The following RAPGEFL1 variants were observed in gnomAD, a reference collection of about 807,000 sequenced individuals.
The protein encoded by RAPGEFL1 is rap guanine nucleotide exchange factor-like 1.
RAPGEFL1 carries 31 observed loss-of-function variants against 64.4 expected under a neutral mutation model. The ratio of observed to expected loss-of-function variants is 0.48; its 90% CI spans 0.36 to 0.65. The LOEUF is 0.65. RAPGEFL1 is among the 30% of genes least tolerant of loss of function. The probability of loss-of-function intolerance (pLI) is 0.00; values close to 1 mark genes in which losing one functional copy is unlikely to be tolerated. For synonymous variants in RAPGEFL1, 331 were observed against 274.1 expected (o/e 1.21, Z -2.05); for missense variants, 682 against 677.4 (o/e 1.01, Z -0.08).
intron 2 of RAPGEFL1, among the ~76,000 whole-genome samples, chr17:40,182,436 C>T (rs1025983703): frequency 2.4e-4 from 37 of 152,168 alleles, no homozygotes; most frequent in African/African-American, 8.9e-4. Context: ...CTCAGCCTCC[C>T]CCATAGCTGG....
At chr17:40,182,103 CAT>C (rs1989913031) in intron 2 of RAPGEFL1, among the ~76,000 whole-genome samples, 1 of 151,772 alleles carries the variant, frequency 6.6e-6, no homozygotes, top group Non-Finnish European at 1.5e-5. Flanking sequence ...GAAAAGAAAA[CAT>C]ACCTGGGTTT....
rs1213800748 is a variant in RAPGEFL1 at position 40,177,834 on chromosome 17, G to C, written c.-28G>C. On this transcript the variant is annotated 5_prime_UTR_variant, in exon 1 of 15. Coordinates refer to ENST00000620260, the MANE Select transcript of RAPGEFL1 (RefSeq NM_016339.6). ...GCCTGGGATACCTGGGTCCCCCGGC[G>C]ACCCCTAGGAGAGGGGCGGGGGGGG... 2.4e-6 allele frequency: 1 copy of C among 411,112 alleles called. No individual in the cohort carries two copies. The highest frequency in any genetic ancestry group is 4.4e-5 in the Admixed American group (1 of 22,676). The allele number at this position is 411,112 out of a possible 1,614,324, so 25.5% of individuals were successfully genotyped here. A position where few individuals can be genotyped will look rare whatever the true frequency, so the allele number is the denominator to read the frequency against.
intron 11 of RAPGEFL1, among the ~76,000 whole-genome samples, 156 bp downstream of exon 11, chr17:40,192,419 G>C (rs1955240431): frequency 6.6e-6 from 1 of 151,986 alleles, no homozygotes; most frequent in South Asian, 2.1e-4. Flanking sequence ...TGGAAGGATT[G>C]CGCCCCTGTT....
intron 2 of RAPGEFL1, among the ~76,000 whole-genome samples, chr17:40,183,139 C>T (rs1989944132): frequency 6.6e-6 from 1 of 151,212 alleles, no homozygotes; most frequent in Admixed American, 6.6e-5. Context: ...CAGAGTGAGA[C>T]TCCCTCTCAA....
chr17:40,186,035 G>A (rs1256465903), intron 4 of RAPGEFL1, among the ~76,000 whole-genome samples: 2 of 151,016 alleles, frequency 1.3e-5, no homozygotes, highest in African/African-American at 4.9e-5. Context: ...GCTGAGGCAG[G>A]CAGATCATGA....
At chr17:40,181,196 G>A (rs1598438213) in intron 1 of RAPGEFL1, 1 of 403,940 alleles carries the variant, frequency 2.5e-6, no homozygotes, top group Admixed American at 2.6e-5. Flanking sequence ...AGGGGAAGAG[G>A]GATACACACA....
intron 1 of RAPGEFL1, 130 bp from the exon 2 acceptor site, chr17:40,181,486 G>A (rs866343421): frequency 3.0e-5 from 20 of 670,936 alleles, no homozygotes; most frequent in Middle Eastern, 2.5e-4. Context: ...AGCATGACAA[G>A]GCAGGTGGCT....
Position 40,191,325 on chromosome 17 carries a change from G to C in RAPGEFL1, c.1345G>C (p.Val449Leu). 6.3e-7 allele frequency: 1 copy of C among 1,581,974 alleles called. No individual in the cohort carries two copies. The highest frequency in any genetic ancestry group is 8.5e-7 in the Non-Finnish European group (1 of 1,172,850). ...LFRCVHELEF[V>L]DYVFHGERGR... is the part of the protein sequence containing the mutation. ...GCTGCCGTGGGTGCAGCTGGAGTTCGTGGACTACGTGTTCCACGGGGAGCG... is the reference window on the plus strand; with the variant it reads ...GCTGCCGTGGGTGCAGCTGGAGTTCCTGGACTACGTGTTCCACGGGGAGCG... The change falls in exon 9 of 15, where the codon GTG (valine) becomes CTG (leucine). Residue 449 changes from valine to leucine, a missense_variant. This residue lies in a region of RAPGEFL1 where 411 missense variants were observed against 519.4 expected (regional missense o/e 0.79). Transcript: ENST00000620260. This position sits in a 1 kb window ranked among gnomAD's most constrained non-coding sequence, Gnocchi z 5.1.
At chr17:40,181,377 C>T (rs747077481) in intron 1 of RAPGEFL1, 6 of 629,550 alleles carry the variant, frequency 9.5e-6, no homozygotes, top group Middle Eastern at 2.5e-4. Context: ...ATCAAAGGCA[C>T]GCGCCCCCCC....
In RAPGEFL1 at chr17:40,191,125, A is replaced by T. The variant is rs1337738597; in HGVS notation, c.1336-191A>T. 9.6e-6 allele frequency: 6 copies of T among 622,304 alleles called. No homozygotes were observed. In the Admixed American group the frequency reaches 1.3e-4, roughly 14 times the overall value. The allele number at this position is 622,304 out of a possible 1,614,324, so 38.5% of individuals were successfully genotyped here. A position where few individuals can be genotyped will look rare whatever the true frequency, so the allele number is the denominator to read the frequency against. ...CTAGTAAGTGCTCAGTAGCTGGTGA[A>T]ATATTATTAATGCTGGTTGTTTTCT... On this transcript the variant is annotated intron_variant, in intron 8 of 14. Transcript: ENST00000620260. This position sits in a 1 kb window ranked among gnomAD's most constrained non-coding sequence, Gnocchi z 5.1.
chr17:40,189,316 C>T lies in RAPGEFL1; in HGVS notation c.1055C>T (p.Ser352Leu), dbSNP rs2145218497. Residue 352 changes from serine to leucine, a missense_variant, in exon 6 of 15, where the codon TCA (serine) becomes TTA (leucine). This residue lies in a region of RAPGEFL1 where 411 missense variants were observed against 519.4 expected (regional missense o/e 0.79). Transcript: ENST00000620260. Reference protein sequence around the residue: ...LGSVTEKLQYSEEPAGREDSL... With the variant: ...LGSVTEKLQYLEEPAGREDSL... ...TCTGTGACGGAGAAACTTCAATATT[C>T]AGAGGAGCCCGCGGGGCGTGAGGAT... The T allele has an allele frequency of 6.2e-7, 1 of 1,614,206 alleles. No homozygotes were observed.
At chr17:40,182,677 G>A (rs562316325) in intron 2 of RAPGEFL1, among the ~76,000 whole-genome samples, 6 of 152,318 alleles carry the variant, frequency 3.9e-5, no homozygotes, top group African/African-American at 1.2e-4. Context: ...AAAACATCTG[G>A]TTGCCCAGTG....
At chr17:40,192,472 C>A in intron 11 of RAPGEFL1, 134 bp from the exon 12 acceptor site, 1 of 935,176 alleles carries the variant, frequency 1.1e-6, no homozygotes, top group Non-Finnish European at 1.7e-6. Flanking sequence ...CTCCCCACCA[C>A]ACCATTAGAA....
At chr17:40,186,883 ACT>A (rs1446696136) in intron 4 of RAPGEFL1, among the ~76,000 whole-genome samples, 4 of 146,694 alleles carry the variant, frequency 2.7e-5, no homozygotes, top group African/African-American at 7.5e-5. Flanking sequence ...ACAGAGCAAG[ACT>A]CTGTCTCAAA....
upstream of RAPGEFL1, chr17:40,177,216 ACCTGT>A: frequency 1.4e-6 from 1 of 702,496 alleles, no homozygotes. Flanking sequence ...CAGGCCACAG[ACCTGT>A]CCTGACTCTT....
At chr17:40,177,102 A>G (rs1989731060), upstream of RAPGEFL1, 1 of 702,600 alleles carries the variant, frequency 1.4e-6, no homozygotes, top group Non-Finnish European at 2.6e-6. Flanking sequence ...CACAGAAGGA[A>G]GATAAACTCC....
At position 40,193,545 on chromosome 17, in the gene RAPGEFL1, T is replaced by C. The variant is rs140122007; in HGVS notation, c.1865-119T>C. 1,720 of 1,582,396 alleles carry C rather than the reference T, an allele frequency of 1.1e-3. 4 individuals carry two copies. The highest frequency in any genetic ancestry group is 1.3e-3 in the Middle Eastern group (8 of 5,970). On this transcript the variant is annotated intron_variant, in intron 14 of 14. Coordinates refer to ENST00000620260, the MANE Select transcript of RAPGEFL1 (RefSeq NM_016339.6). ...TGGTTCCCCATTCTCTCCTTGCCTC[T>C]GCAGAGGCCTTCCTGCCCAACATCT...
At chr17:40,189,804 G>T (rs933181737) in intron 6 of RAPGEFL1, among the ~76,000 whole-genome samples, 3 of 152,042 alleles carry the variant, frequency 2.0e-5, no homozygotes, top group Admixed American at 6.6e-5. Flanking sequence ...AGTTTGGGAG[G>T]CACTAGCTGG....
chr17:40,185,783 C>CAAAAA (rs750937174), intron 4 of RAPGEFL1, among the ~76,000 whole-genome samples: 8 of 48,674 alleles, frequency 1.6e-4, no homozygotes, highest in Admixed American at 2.3e-4. Flanking sequence ...GATTCTGTCT[C>CAAAAA]AAAAAAAAAA....
Sources: allele counts gnomAD v4.1 joint callset (sites outside exome capture counted in the v4.1 genomes callset), GRCh38; gene constraint gnomAD v4.1.1; regional missense constraint gnomAD v4.1.1; non-coding constraint Gnocchi (gnomAD v3.1); transcripts MANE v1.5; gene names NCBI Gene and HGNC (gene_info 2026-07-23, HGNC 2026-07-21).